Variants in TENM2 observed in about 807,000 individuals in gnomAD.
TENM2 encodes teneurin-2.
Under a neutral mutation model 245.2 loss-of-function variants are expected in TENM2, and 52 were observed. That is an observed-to-expected ratio of 0.21 (90% confidence interval 0.17 to 0.27). The LOEUF (loss-of-function observed/expected upper bound fraction) is 0.27. Among genes scored for constraint, TENM2 ranks in the 10% least tolerant of loss-of-function variants. The pLI is 1.00. For missense variants in TENM2, 3,046 were observed against 3,666.8 expected (o/e 0.83, Z 4.37); for synonymous variants, 1,363 against 1,438.9 (o/e 0.95, Z 1.19).
intron 23 of TENM2, among the ~76,000 whole-genome samples, chr5:168,223,820 T>C (rs1406483962): frequency 6.6e-6 from 1 of 152,088 alleles, no homozygotes; most frequent in Non-Finnish European, 1.5e-5. Flanking sequence ...AAAATGAAGA[T>C]TCGTCAAAAT....
the TENM2 span, among the ~76,000 whole-genome samples, chr5:167,139,121 C>T: frequency 3.3e-5 from 5 of 152,180 alleles, no homozygotes; most frequent in African/African-American, 1.2e-4. Context: ...TCACAATTGC[C>T]ACATCATTGA....
At chr5:167,098,295 G>C in the TENM2 span, among the ~76,000 whole-genome samples, 1 of 152,184 alleles carries the variant, frequency 6.6e-6, no homozygotes, top group Non-Finnish European at 1.5e-5. Context: ...GGTTATAATC[G>C]TATAATCACC....
At chr5:168,109,582 G>A (rs531949504) in intron 9 of TENM2, among the ~76,000 whole-genome samples, 9 of 152,254 alleles carry the variant, frequency 5.9e-5, no homozygotes, top group East Asian at 3.9e-4. Flanking sequence ...GGCTCCACCC[G>A]GAATTTCTGA....
At chr5:167,230,786 G>A in the TENM2 span, among the ~76,000 whole-genome samples, 1 of 152,278 alleles carries the variant, frequency 6.6e-6, no homozygotes, top group Middle Eastern at 3.4e-3. Flanking sequence ...TATTAGAAAT[G>A]TAATGTAAAC....
chr5:167,810,854 A>T (rs1766585259), intron 2 of TENM2, among the ~76,000 whole-genome samples: 1 of 152,106 alleles, frequency 6.6e-6, no homozygotes, highest in African/African-American at 2.4e-5. Flanking sequence ...CTCAAATCAG[A>T]TTAAGGAAAG....
At chr5:168,107,068 A>C (rs1315421666) in intron 9 of TENM2, among the ~76,000 whole-genome samples, 2 of 152,000 alleles carry the variant, frequency 1.3e-5, no homozygotes, top group Non-Finnish European at 2.9e-5. Context: ...AGAGAGAGAA[A>C]GAGAGAGAGA....
the TENM2 span, among the ~76,000 whole-genome samples, chr5:167,097,613 T>C: frequency 1.3e-5 from 2 of 152,222 alleles, no homozygotes. Flanking sequence ...CTATGTACGT[T>C]AACATCCAAC....
intron 17 of TENM2, among the ~76,000 whole-genome samples, chr5:168,203,251 G>A (rs974400258): frequency 6.6e-6 from 1 of 152,192 alleles, no homozygotes; most frequent in African/African-American, 2.4e-5. Flanking sequence ...GAGCCAGTAC[G>A]ATCCCAAAGG....
intron 2 of TENM2, among the ~76,000 whole-genome samples, chr5:167,671,788 T>A (rs1390379070): frequency 6.7e-6 from 1 of 150,308 alleles, no homozygotes; most frequent in African/African-American, 2.4e-5. Flanking sequence ...TATTTATATA[T>A]CTCCAGAAAT....
Position 167,494,481 on chromosome 5 carries a change from C to T in TENM2, c.502+119008C>T, listed in dbSNP as rs115867697. 5.3e-3 allele frequency among the ~76,000 whole-genome samples: 808 copies of T among 152,142 alleles called. 1 individual carries two copies. The highest frequency in any genetic ancestry group is 6.4e-3 in the Non-Finnish European group (437 of 67,972). ...TTAGAAAACTGTTTCAATACTTATG[C>T]GTGATATTATAGAATTGCTTGCTCA... is the stretch of plus-strand genomic sequence containing the variant. On this transcript the variant is annotated intron_variant, in intron 2 of 28. Coordinates refer to ENST00000518659, the Ensembl canonical transcript of TENM2.
chr5:167,919,582 G>A (rs182019823), intron 3 of TENM2, among the ~76,000 whole-genome samples: 15 of 152,278 alleles, frequency 9.9e-5, no homozygotes, highest in African/African-American at 2.6e-4. Context: ...TTCCCAGAAC[G>A]GGAGGCGAAG....
intron 12 of TENM2, among the ~76,000 whole-genome samples, chr5:168,140,902 C>T (rs879055939): frequency 6.6e-6 from 1 of 152,116 alleles, no homozygotes; most frequent in African/African-American, 2.4e-5. Flanking sequence ...GGGCCAGAGC[C>T]GTGCAGTGGA....
chr5:167,578,519 A>G (rs1284321367), intron 2 of TENM2, among the ~76,000 whole-genome samples: 1 of 152,198 alleles, frequency 6.6e-6, no homozygotes, highest in African/African-American at 2.4e-5. Context: ...ATGTTTTCAT[A>G]AGAAAAACCT....
chr5:167,611,715 G>A (rs1261778850), intron 2 of TENM2, among the ~76,000 whole-genome samples: 1 of 152,106 alleles, frequency 6.6e-6, no homozygotes, highest in Non-Finnish European at 1.5e-5. Flanking sequence ...TCAGGTTGGA[G>A]TTGGTATCTG....
chr5:167,185,758 A>G, the TENM2 span, among the ~76,000 whole-genome samples: 1 of 152,042 alleles, frequency 6.6e-6, no homozygotes. Context: ...ACATTTTCAG[A>G]TTAACCATAA....
intron 5 of TENM2, among the ~76,000 whole-genome samples, chr5:168,041,401 C>G (rs1041372698): frequency 6.6e-6 from 1 of 152,188 alleles, no homozygotes; most frequent in African/African-American, 2.4e-5. Context: ...TCAAAGGCAA[C>G]TACTCCTTCA....
At chr5:167,449,889 C>T (rs188541311) in intron 2 of TENM2, among the ~76,000 whole-genome samples, 65 of 152,204 alleles carry the variant, frequency 4.3e-4, no homozygotes, top group Admixed American at 2.9e-3. Context: ...ACCTGCGAGG[C>T]GGAGGTTGCA....
At chr5:167,124,827 C>CTAT in the TENM2 span, among the ~76,000 whole-genome samples, 2 of 151,834 alleles carry the variant, frequency 1.3e-5, no homozygotes, top group Non-Finnish European at 2.9e-5. Context: ...AATATAATTT[C>CTAT]TATTATTATT....
chr5:167,951,207 A>G (rs1311120318), intron 3 of TENM2, among the ~76,000 whole-genome samples: 1 of 152,230 alleles, frequency 6.6e-6, no homozygotes, highest in Non-Finnish European at 1.5e-5. Context: ...GGAGACAAGT[A>G]GTTGAAATTT....
Sources: allele counts gnomAD v4.1 joint callset (sites outside exome capture counted in the v4.1 genomes callset), GRCh38; gene constraint gnomAD v4.1.1; transcripts MANE v1.5; gene names NCBI Gene and HGNC (gene_info 2026-07-23, HGNC 2026-07-21).